Variants in GRIK4 observed in about 807,000 individuals in gnomAD.
The protein encoded by GRIK4 is glutamate receptor ionotropic, kainate 4.
A neutral mutation model predicts 104.9 loss-of-function variants in GRIK4; 40 were observed. The observed-to-expected ratio is 0.38, with a 90% CI of 0.30 to 0.50. GRIK4 has a LOEUF of 0.50. Ranked by LOEUF, GRIK4 falls within the 20% of genes least tolerant of loss-of-function variation. The pLI is 0.93. For missense variants in GRIK4, 1,047 were observed against 1,308.1 expected (o/e 0.80, Z 3.08); for synonymous variants, 485 against 524.9 (o/e 0.92, Z 1.04).
chr11:120,848,933 AG>A (rs1037555325), intron 8 of GRIK4, among the ~76,000 whole-genome samples: 8 of 152,190 alleles, frequency 5.3e-5, no homozygotes, highest in Non-Finnish European at 1.2e-4. Context: ...GGAAGTCAAT[AG>A]AAACTGAAGA....
intron 3 of GRIK4, among the ~76,000 whole-genome samples, chr11:120,788,850 A>G (rs1367637718): frequency 4.2e-5 from 6 of 143,250 alleles, no homozygotes. Context: ...CTCTCCATTC[A>G]CTTCTCGGCC....
intron 11 of GRIK4, among the ~76,000 whole-genome samples, chr11:120,877,337 G>T (rs905222481): frequency 3.3e-5 from 5 of 152,176 alleles, no homozygotes; most frequent in African/African-American, 1.2e-4. Context: ...AGCTGAAAAA[G>T]ATTCAGCCCC....
chr11:120,812,843 C>T (rs1012482638), intron 4 of GRIK4, among the ~76,000 whole-genome samples: 1 of 152,150 alleles, frequency 6.6e-6, no homozygotes, highest in Non-Finnish European at 1.5e-5. Context: ...AGGGTGGAGG[C>T]TGTAGGCAAT....
chr11:120,629,844 C>T (rs149200867), intron 1 of GRIK4, among the ~76,000 whole-genome samples: 2 of 152,312 alleles, frequency 1.3e-5, no homozygotes, highest in East Asian at 3.9e-4. Context: ...TGCCCACCCC[C>T]TCGGGAATCT....
chr11:120,639,781 ACT>A lies in GRIK4; in HGVS notation c.-158-13901_-158-13900del, dbSNP rs1949447653. Among the ~76,000 whole-genome samples, 6 of 151,816 alleles carry A rather than the reference ACT, an allele frequency of 4.0e-5. 1 individual carries two copies. In the South Asian group the frequency reaches 1.2e-3, roughly 32 times the overall value. ...AGACTCCAGACCTAAACCCTCTAAA[ACT>A]CTTTTCAAATTGCAGTCAGAGTGAC... On this transcript the variant is annotated intron_variant, in intron 1 of 20. Coordinates refer to ENST00000527524, the MANE Select transcript of GRIK4 (RefSeq NM_014619.5).
At chr11:120,612,077 T>C (rs1949044802) in intron 1 of GRIK4, among the ~76,000 whole-genome samples, 1 of 152,206 alleles carries the variant, frequency 6.6e-6, no homozygotes, top group Non-Finnish European at 1.5e-5. Flanking sequence ...TCTGTACCGC[T>C]CCTGTAATAC....
chr11:120,533,993 A>G (rs1004865741), intron 1 of GRIK4, among the ~76,000 whole-genome samples: 3 of 152,252 alleles, frequency 2.0e-5, no homozygotes, highest in African/African-American at 7.2e-5. Context: ...AAAAATAATC[A>G]CTCTGGCTGT....
At chr11:120,919,869 C>A (rs950459227) in intron 13 of GRIK4, among the ~76,000 whole-genome samples, 1 of 151,872 alleles carries the variant, frequency 6.6e-6, no homozygotes, top group African/African-American at 2.4e-5. Flanking sequence ...TCTGGGATGA[C>A]GGATGGGGAA....
chr11:120,777,814 G>A lies in GRIK4; in HGVS notation c.83-24879G>A, dbSNP rs143066623. On this transcript the variant is annotated intron_variant, in intron 3 of 20. Transcript: ENST00000527524. The stretch of plus-strand genomic sequence containing the variant: ...GAGCCGGGCATGATGGCACGCATCT[G>A]TAATCCCAGCTATTTGGGAGGCTGA... 9.2e-3 allele frequency among the ~76,000 whole-genome samples: 1,406 copies of A among 152,168 alleles called. 12 individuals carry two copies. Among genetic ancestry groups the A allele is most frequent in the African/African-American group, 0.032 (1,328 of 41,506 alleles).
intron 1 of GRIK4, among the ~76,000 whole-genome samples, chr11:120,647,875 G>A (rs1289670263): frequency 1.3e-5 from 2 of 152,202 alleles, no homozygotes; most frequent in Non-Finnish European, 1.5e-5. Context: ...GCACCACATC[G>A]GAGGGTCCCG....
At chr11:120,794,968 A>C (rs1952481818) in intron 3 of GRIK4, among the ~76,000 whole-genome samples, 2 of 152,098 alleles carry the variant, frequency 1.3e-5, no homozygotes, top group Non-Finnish European at 2.9e-5. Context: ...CAGAGGTGCC[A>C]GATGAGTGAT....
intron 3 of GRIK4, among the ~76,000 whole-genome samples, chr11:120,742,440 C>T (rs1302297156): frequency 6.6e-6 from 1 of 150,936 alleles, no homozygotes; most frequent in Non-Finnish European, 1.5e-5. Context: ...AGCTCAATAT[C>T]AGTGATCTTT....
chr11:120,568,770 T>G (rs1464300018), intron 1 of GRIK4, among the ~76,000 whole-genome samples: 2 of 152,096 alleles, frequency 1.3e-5, no homozygotes, highest in Non-Finnish European at 2.9e-5. Context: ...AAAGATGGAG[T>G]TAGACCCTCA....
At chr11:120,760,018 T>C (rs889512688) in intron 3 of GRIK4, among the ~76,000 whole-genome samples, 1 of 151,976 alleles carries the variant, frequency 6.6e-6, no homozygotes. Flanking sequence ...TAACACACTT[T>C]ATATTAGAGA....
intron 18 of GRIK4, among the ~76,000 whole-genome samples, chr11:120,965,922 A>C (rs894483736): frequency 6.6e-6 from 1 of 152,158 alleles, no homozygotes; most frequent in Non-Finnish European, 1.5e-5. Flanking sequence ...CCTCTGGGGC[A>C]TCTGTCCACA....
chr11:120,779,377 G>C (rs17124321), intron 3 of GRIK4, among the ~76,000 whole-genome samples: 4,688 of 152,268 alleles, frequency 0.031, 184 homozygotes, highest in African/African-American at 0.085. Context: ...GGGCATTTCA[G>C]GATGGCATCC....
Position 120,861,948 on chromosome 11 carries a change from G to A in GRIK4, c.745-11G>A. On this transcript the variant is annotated splice_polypyrimidine_tract_variant and intron_variant, in intron 8 of 20. Transcript: ENST00000527524. ...AACTACATTCTTATTTCTGATGCTG[G>A]GTCTTTCCAGGAGTTCTCACTCCAG... 6.2e-7 allele frequency: 1 copy of A among 1,606,428 alleles called. No homozygotes were observed.
chr11:120,671,972 C>T (rs1255361269), intron 3 of GRIK4, among the ~76,000 whole-genome samples: 1 of 152,124 alleles, frequency 6.6e-6, no homozygotes, highest in Admixed American at 6.5e-5. Context: ...CCGTTCTGTT[C>T]TATTGATCTG....
At chr11:120,515,032 C>T (rs565653483) in intron 1 of GRIK4, 2 of 456,756 alleles carry the variant, frequency 4.4e-6, no homozygotes, top group Admixed American at 4.7e-5. Context: ...CCGTCAGTGG[C>T]AGTGCCTTCC....
Sources: allele counts gnomAD v4.1 joint callset (sites outside exome capture counted in the v4.1 genomes callset), GRCh38; gene constraint gnomAD v4.1.1; transcripts MANE v1.5; gene names NCBI Gene and HGNC (gene_info 2026-07-23, HGNC 2026-07-21).